The following ZNF8 variants were observed in gnomAD, a reference collection of about 807,000 sequenced individuals.
The protein encoded by ZNF8 is zinc finger protein 272.
A neutral mutation model predicts 12.2 loss-of-function variants in ZNF8; 9 were observed. The ratio of observed to expected loss-of-function variants is 0.73; its 90% CI spans 0.44 to 1.28. ZNF8 has a LOEUF of 1.28. Among genes scored for constraint, ZNF8 ranks in the 50% most tolerant of loss-of-function variants. The pLI is 0.00. For missense variants in ZNF8, 664 were observed against 729.1 expected, an observed-to-expected ratio of 0.91 and a Z score of 1.03; for synonymous variants, 274 against 282.3, an observed-to-expected ratio of 0.97 and a Z score of 0.30.
intron 1 of ZNF8, among the ~76,000 whole-genome samples, chr19:58,282,848 G>A (rs1380090467): frequency 1.3e-5 from 2 of 152,038 alleles, no homozygotes; most frequent in South Asian, 2.1e-4. Flanking sequence ...GGCTAGTCAC[G>A]AACTCCTGAG....
In ZNF8 at chr19:58,283,835, G is replaced by A. The variant is rs563355327; in HGVS notation, c.67-1882G>A. On this transcript the variant is annotated intron_variant, in intron 1 of 3. Transcript: ENST00000621650. ...AGGATGGTCTCGATCTCCTGACCTC[G>A]TGATCTGCCCGCCTCGGCCTCCCAA... Among the ~76,000 whole-genome samples the A allele has an allele frequency of 7.9e-5, 12 of 151,712 alleles. No individual in the cohort carries two copies. The South Asian group carries it at 2.3e-3, about 29-fold the overall frequency.
rs776635614 is a variant in ZNF8, at chr19:58,294,662, A to T, written c.854A>T (p.Tyr285Phe). The T allele has an allele frequency of 1.9e-6, 3 of 1,614,216 alleles. No individual in the cohort carries two copies. The highest frequency in any genetic ancestry group is 2.5e-6 in the Non-Finnish European group (3 of 1,180,038). ...AGGATTCATACGGGAGAAAGACCTT[A>T]TATGTGCAAGGAGTGTGGGAAAGCC... The part of the protein sequence containing the change: ...HKRIHTGERP[Y>F]MCKECGKAFS... Residue 285 changes from tyrosine to phenylalanine, a missense_variant, in exon 4 of 4, where the codon TAT becomes TTT. Coordinates refer to ENST00000621650, the MANE Select transcript of ZNF8 (RefSeq NM_021089.3). The surrounding 1 kb of genome is among the most constrained non-coding windows in gnomAD (Gnocchi z 5.5).
At chr19:58,286,035 G>T (rs1568524207) in intron 2 of ZNF8, 75 bp from the exon 3 acceptor site, 2 of 1,515,514 alleles carry the variant, frequency 1.3e-6, no homozygotes, top group African/African-American at 1.4e-5. Context: ...ACAGTCGGGA[G>T]TCTGGTCTGG....
chr19:58,286,987 T>C (rs185854485), intron 3 of ZNF8, among the ~76,000 whole-genome samples: 2 of 152,192 alleles, frequency 1.3e-5, no homozygotes, highest in Non-Finnish European at 2.9e-5. Context: ...ATTTCTAATA[T>C]GTGAACCTGC....
intron 3 of ZNF8, among the ~76,000 whole-genome samples, chr19:58,290,769 G>A (rs1187907788): frequency 6.6e-6 from 1 of 152,076 alleles, no homozygotes; most frequent in African/African-American, 2.4e-5. Flanking sequence ...AAGGAAAAGA[G>A]GCCAGGCATG....
chr19:58,295,065 C>G lies in ZNF8; in HGVS notation c.1257C>G (p.His419Gln). 1 of 1,614,094 alleles carries G rather than the reference C, an allele frequency of 6.2e-7. No homozygotes were observed. Among genetic ancestry groups the G allele is most frequent in the Non-Finnish European group, 8.5e-7 (1 of 1,180,002 alleles). ...CCCTGGCCCAGCACCAGCGGAAGCA[C>G]GCGGGGGAGAAGCCCTTTGAGTGCC... ...SSSLAQHQRK[H>Q]AGEKPFECRQ... Residue 419 changes from histidine (H) to glutamine (Q), a missense_variant, in exon 4 of 4, where the codon CAC (histidine) becomes CAG (glutamine). His to Gln is a conservative substitution (Grantham distance 24). Coordinates refer to ENST00000621650, the MANE Select transcript of ZNF8 (RefSeq NM_021089.3).
At chr19:58,284,338 G>A (rs767210263) in intron 1 of ZNF8, among the ~76,000 whole-genome samples, 24 of 152,362 alleles carry the variant, frequency 1.6e-4, no homozygotes, top group Non-Finnish European at 2.5e-4. Context: ...CAGATGTCCT[G>A]TAGGAAGTGT....
At chr19:58,279,639 T>C (rs2051334153) in intron 1 of ZNF8, 8 of 1,533,908 alleles carry the variant, frequency 5.2e-6, no homozygotes, top group East Asian at 2.4e-5. Context: ...GCACAACCTC[T>C]TGGGGGCAAT....
rs1179564248 is a variant in ZNF8 at position 58,296,734 on chromosome 19, G to A, written c.*1198G>A. 1.3e-5 allele frequency: 2 copies of A among 152,324 alleles called. No individual in the cohort carries two copies. Among genetic ancestry groups the A allele is most frequent in the South Asian group, 2.1e-4 (1 of 4,832 alleles). The allele number at this position is 152,324 out of a possible 1,614,324, so 9.4% of individuals were successfully genotyped here. A position where few individuals can be genotyped will look rare whatever the true frequency, so the allele number is the denominator to read the frequency against. ...TGCTTTTGCCTCCAGGGCACATTTG[G>A]TGACATCTAGGGACATTTTTGGTTG... On this transcript the variant is annotated 3_prime_UTR_variant, in exon 4 of 4. Transcript: ENST00000621650.
Position 58,295,034 on chromosome 19 carries a change from G to A in ZNF8, c.1226G>A (p.Ser409Asn). 6.2e-7 allele frequency: 1 copy of A among 1,614,090 alleles called. No homozygotes were observed. Among genetic ancestry groups the A allele is most frequent in the Non-Finnish European group, 8.5e-7 (1 of 1,179,974 alleles). The change falls in exon 4 of 4, where the codon AGC becomes AAC. Residue 409 changes from serine to asparagine, a missense_variant. Coordinates refer to ENST00000621650, the MANE Select transcript of ZNF8 (RefSeq NM_021089.3). ...CNHCGKGFRH[S>N]SSLAQHQRKH... ...CACTGCGGGAAGGGCTTCAGGCACA[G>A]CTCATCCCTGGCCCAGCACCAGCGG...
At chr19:58,289,340 A>G (rs1204267935) in intron 3 of ZNF8, among the ~76,000 whole-genome samples, 1 of 152,060 alleles carries the variant, frequency 6.6e-6, no homozygotes, top group African/African-American at 2.4e-5. Flanking sequence ...TACTAAAAAT[A>G]CAAAAATTAT....
chr19:58,289,713 G>A (rs964672365), intron 3 of ZNF8, among the ~76,000 whole-genome samples: 9 of 151,672 alleles, frequency 5.9e-5, no homozygotes, highest in African/African-American at 1.9e-4. Context: ...TATCACAACC[G>A]CTTCCCTGAC....
Position 58,298,876 on chromosome 19 carries a change from T to C in ZNF8, c.*3340T>C, listed in dbSNP as rs1173872936. The C allele has an allele frequency of 6.6e-6, 1 of 151,496 alleles. No homozygotes were observed. Among genetic ancestry groups the C allele is most frequent in the Non-Finnish European group, 1.5e-5 (1 of 67,926 alleles). The allele number at this position is 151,496 out of a possible 1,614,324, so 9.4% of individuals were successfully genotyped here. A position where few individuals can be genotyped will look rare whatever the true frequency, so the allele number is the denominator to read the frequency against. On this transcript the variant is annotated 3_prime_UTR_variant, in exon 4 of 4. Transcript: ENST00000621650. Reference sequence around the variant, plus strand: ...TTTTTTTTTTGTGATGGAGACTTGCTCTGTCACGTGGTTCACTGCAACCTC... The same window carrying C: ...TTTTTTTTTTGTGATGGAGACTTGCCCTGTCACGTGGTTCACTGCAACCTC...
intron 1 of ZNF8, among the ~76,000 whole-genome samples, chr19:58,281,288 T>G (rs893954855): frequency 6.6e-6 from 1 of 152,114 alleles, no homozygotes; most frequent in African/African-American, 2.4e-5. Flanking sequence ...TTAGGCCCAG[T>G]GACCAGGTGT....
rs541017039 is a variant in ZNF8 at position 58,294,443 on chromosome 19, A to T, written c.635A>T (p.His212Leu). 6.2e-7 allele frequency: 1 copy of T among 1,614,152 alleles called. No homozygotes were observed. Among genetic ancestry groups the T allele is most frequent in the East Asian group, 2.2e-5 (1 of 44,882 alleles). The change falls in exon 4 of 4, where the codon CAT becomes CTT. Residue 212 changes from histidine to leucine, a missense_variant. By Grantham distance (99) the His-to-Leu change is moderately conservative. Around this residue, in one of 3 missense-constraint regions of ZNF8, gnomAD observed 306 missense variants for 308.7 expected, o/e 0.99. Coordinates refer to ENST00000621650, the MANE Select transcript of ZNF8 (RefSeq NM_021089.3). The surrounding 1 kb of genome is among the most constrained non-coding windows in gnomAD (Gnocchi z 5.5). ...GACTCACAGATTACAGACTCAGAAC[A>T]TAACTCCAGCTTAGTCAGTCAGCAG... Reference protein sequence around the residue: ...TYDSQITDSEHNSSLVSQQTG... With the variant: ...TYDSQITDSELNSSLVSQQTG...
intron 3 of ZNF8, among the ~76,000 whole-genome samples, chr19:58,287,472 A>G (rs1568524719): frequency 1.3e-5 from 2 of 150,588 alleles, no homozygotes; most frequent in African/African-American, 2.5e-5. Context: ...AGCTGGGACT[A>G]CAGGTGTGTA....
intron 1 of ZNF8, among the ~76,000 whole-genome samples, chr19:58,282,907 C>T (rs747239448): frequency 2.6e-5 from 4 of 152,074 alleles, no homozygotes; most frequent in Non-Finnish European, 4.4e-5. Context: ...GGATTACAGG[C>T]GTGAGCCACT....
At position 58,301,489 on chromosome 19, in the gene ZNF8, C is replaced by T. The variant is rs1279623329; in HGVS notation, c.*5953C>T. The stretch of plus-strand genomic sequence containing the variant: ...TGGATCATTCCTCCTTTCTGCTCCA[C>T]CAGCAGTTTGGGGCACAGGCTTGGG... On this transcript the variant is annotated 3_prime_UTR_variant, in exon 4 of 4. Transcript: ENST00000621650. The T allele has an allele frequency of 6.6e-6, 1 of 152,396 alleles. No individual in the cohort carries two copies. The highest frequency in any genetic ancestry group is 1.5e-5 in the Non-Finnish European group (1 of 68,162). 9.4% of individuals were successfully genotyped at this position (152,396 alleles called of 1,614,324 possible). A position where few individuals can be genotyped will look rare whatever the true frequency, so the allele number is the denominator to read the frequency against.
In ZNF8 at chr19:58,284,061, A is replaced by G. The variant is rs185328176; in HGVS notation, c.67-1656A>G. Among the ~76,000 whole-genome samples, 639 of 151,824 alleles carry G rather than the reference A, an allele frequency of 4.2e-3. 11 individuals carry two copies. The highest frequency in any genetic ancestry group is 0.032 in the Admixed American group (491 of 15,254). On this transcript the variant is annotated intron_variant, in intron 1 of 3. Transcript: ENST00000621650. Reference sequence around the variant, plus strand: ...AACATGGAGAAACCCTGTCTCTACTAAAAAATACAAAAATTAGCTGGGTGT... The same window carrying G: ...AACATGGAGAAACCCTGTCTCTACTGAAAAATACAAAAATTAGCTGGGTGT...
Sources: allele counts gnomAD v4.1 joint callset (sites outside exome capture counted in the v4.1 genomes callset), GRCh38; gene constraint gnomAD v4.1.1; regional missense constraint gnomAD v4.1.1; non-coding constraint Gnocchi (gnomAD v3.1); transcripts MANE v1.5; gene names NCBI Gene and HGNC (gene_info 2026-07-23, HGNC 2026-07-21).